Variants in DNAH3 observed in about 807,000 individuals in gnomAD.
DNAH3 encodes the protein axonemal beta dynein heavy chain 3.
DNAH3 carries 332 observed loss-of-function variants against 432.5 expected under a neutral mutation model. The observed-to-expected ratio is 0.77, with a 90% CI of 0.70 to 0.84. DNAH3 has a LOEUF of 0.84. DNAH3 is among the 40% of genes least tolerant of loss of function. The pLI is 0.00. For synonymous variants in DNAH3, 1,956 were observed against 1,900.2 expected (o/e 1.03, Z -0.76); for missense variants, 4,861 against 5,114.0 (o/e 0.95, Z 1.51).
chr16:21,114,231 C>A (rs2092136013), intron 12 of DNAH3, among the ~76,000 whole-genome samples: 1 of 152,074 alleles, frequency 6.6e-6, no homozygotes. Flanking sequence ...GATTCCTATC[C>A]CTTCTTCAAG....
At chr16:21,110,117 GA>G (rs1013421862) in intron 14 of DNAH3, among the ~76,000 whole-genome samples, 14 of 152,140 alleles carry the variant, frequency 9.2e-5, no homozygotes, top group Non-Finnish European at 1.5e-4. Flanking sequence ...GGATAACATG[GA>G]ATAACCATTT....
chr16:20,965,194 A>T (rs1458945072), exon 53 of DNAH3: 1 of 1,613,890 alleles, frequency 6.2e-7, no homozygotes. Flanking sequence ...CACCTTGGCC[A>T]CGCGATCGTA....
intron 50 of DNAH3, among the ~76,000 whole-genome samples, chr16:20,978,109 G>A (rs1195197284): frequency 1.3e-5 from 2 of 152,190 alleles, no homozygotes; most frequent in Non-Finnish European, 2.9e-5. Context: ...GTGGCTCTAA[G>A]AACAAATTAA....
intron 46 of DNAH3, 42 bp from the exon 47 acceptor site, chr16:20,987,490 T>TC (rs1386904907): frequency 1.7e-5 from 28 of 1,610,864 alleles, no homozygotes; most frequent in Non-Finnish European, 2.4e-5. Flanking sequence ...TGGAAGATGG[T>TC]CCCTGAGGTG....
intron 1 of DNAH3, among the ~76,000 whole-genome samples, chr16:21,147,195 G>T (rs192508461): frequency 1.3e-5 from 2 of 151,692 alleles, no homozygotes; most frequent in African/African-American, 4.8e-5. Flanking sequence ...ATGATTAAAG[G>T]AGGTGACTTT....
At chr16:20,993,015 A>G (rs1458023182) in intron 44 of DNAH3, among the ~76,000 whole-genome samples, 1 of 151,890 alleles carries the variant, frequency 6.6e-6, no homozygotes, top group Non-Finnish European at 1.5e-5. Context: ...ACAGGCTTGC[A>G]CCACCATGCC....
At chr16:21,119,032 T>A (rs1378964699) in intron 11 of DNAH3, among the ~76,000 whole-genome samples, 1 of 152,212 alleles carries the variant, frequency 6.6e-6, no homozygotes, top group African/African-American at 2.4e-5. Context: ...GATCTGTGTC[T>A]TGTTTGGCCA....
intron 27 of DNAH3, among the ~76,000 whole-genome samples, chr16:21,056,207 G>A (rs1399501333): frequency 1.3e-5 from 2 of 152,018 alleles, no homozygotes; most frequent in African/African-American, 4.8e-5. Flanking sequence ...TCATCTTCAG[G>A]CTTTTGCATA....
At chr16:21,156,028 G>A (rs1376019048) in intron 1 of DNAH3, among the ~76,000 whole-genome samples, 1 of 152,118 alleles carries the variant, frequency 6.6e-6, no homozygotes, top group Non-Finnish European at 1.5e-5. Context: ...CTGCTCTGAA[G>A]GCTGGAAGTT....
At chr16:21,054,384 A>G (rs1463511840) in intron 28 of DNAH3, 36 bp downstream of exon 28, 1 of 1,467,300 alleles carries the variant, frequency 6.8e-7, no homozygotes, top group East Asian at 2.3e-5. Context: ...CTTCTCCTGG[A>G]TAGTCAGTAA....
chr16:20,992,529 G>A (rs1379956959), intron 44 of DNAH3, among the ~76,000 whole-genome samples: 1 of 152,072 alleles, frequency 6.6e-6, no homozygotes, highest in African/African-American at 2.4e-5. Flanking sequence ...TGTATTTTTA[G>A]TAGAGACGGG....
At chr16:21,130,303 C>T (rs2092532655) in intron 7 of DNAH3, among the ~76,000 whole-genome samples, 1 of 133,420 alleles carries the variant, frequency 7.5e-6, no homozygotes, top group Admixed American at 7.8e-5. Context: ...AAGCCCTCCA[C>T]TTTTTTTTTT....
intron 7 of DNAH3, among the ~76,000 whole-genome samples, chr16:21,130,986 T>G (rs932286571): frequency 6.6e-6 from 1 of 152,184 alleles, no homozygotes; most frequent in African/African-American, 2.4e-5. Context: ...CTAAGCACTT[T>G]CTTTAGCTAA....
chr16:20,964,466 G>A (rs2084960423), exon 53 of DNAH3: 5 of 1,614,060 alleles, frequency 3.1e-6, no homozygotes, highest in Middle Eastern at 3.3e-4. Context: ...AGCAAGATAG[G>A]TTCGATAGAA....
intron 13 of DNAH3, 31 bp downstream of exon 13, chr16:21,111,962 A>G (rs1443770013): frequency 6.3e-7 from 1 of 1,583,440 alleles, no homozygotes; most frequent in Non-Finnish European, 8.7e-7. Context: ...ACATGTCACC[A>G]AGGTATAAAA....
At chr16:21,132,899 T>A (rs997381544) in intron 7 of DNAH3, among the ~76,000 whole-genome samples, 2 of 78,624 alleles carry the variant, frequency 2.5e-5, no homozygotes, top group African/African-American at 5.5e-5. Flanking sequence ...GATATCTCAC[T>A]TTTTTTTAAA....
intron 36 of DNAH3, 102 bp from the exon 37 acceptor site, chr16:21,031,388 T>C (rs559811390): frequency 8.4e-6 from 12 of 1,434,696 alleles, no homozygotes; most frequent in South Asian, 5.3e-5. Context: ...TTTATAAATA[T>C]GCCATATGAG....
At position 21,023,264 on chromosome 16, in the gene DNAH3, C is replaced by T. The variant is rs142776193; in HGVS notation, c.5647-1164G>A. 1.6e-4 allele frequency among the ~76,000 whole-genome samples: 25 copies of T among 152,186 alleles called. 2 individuals carry two copies. The East Asian group carries it at 3.9e-3, about 23-fold the overall frequency. On this transcript the variant is annotated intron_variant, in intron 39 of 61. Coordinates refer to ENST00000261383, the Ensembl canonical transcript of DNAH3. ...ATTTATTGAGCATCTACTAATTGCA[C>T]GGTAGTAGTGCTGGGGATAAACAAT...
intron 48 of DNAH3, among the ~76,000 whole-genome samples, chr16:20,984,234 T>C (rs1489180134): frequency 6.6e-6 from 1 of 151,790 alleles, no homozygotes; most frequent in Non-Finnish European, 1.5e-5. Context: ...TATGCATGCA[T>C]GAACACAATG....
Sources: gnomAD v4.1 joint callset for allele counts (sites outside exome capture counted in the v4.1 genomes callset) on GRCh38, gnomAD v4.1.1 for gene constraint, MANE v1.5 for transcripts, NCBI Gene and HGNC (gene_info 2026-07-23, HGNC 2026-07-21) for gene names.